RNF212B: variants seen among roughly 807,000 people sequenced by gnomAD.
The protein encoded by RNF212B is ring finger protein 212B.
In RNF212B, 52 loss-of-function variants were observed where a neutral mutation model predicts 55.5. The ratio of observed to expected loss-of-function variants is 0.94; its 90% CI spans 0.75 to 1.18. RNF212B has a LOEUF of 1.18. RNF212B is among the 50% of genes most tolerant of loss of function. The pLI is 0.00. For synonymous variants in RNF212B, 99 were observed against 121.4 expected (o/e 0.82, Z 1.21); for missense variants, 289 against 350.4 (o/e 0.82, Z 1.40).
At chr14:23,225,946 T>C (rs934227398) in intron 2 of RNF212B, among the ~76,000 whole-genome samples, 8 of 152,176 alleles carry the variant, frequency 5.3e-5, no homozygotes, top group Non-Finnish European at 1.0e-4. Flanking sequence ...AAATATCTCA[T>C]GTACCCTGTA....
At chr14:23,209,590 T>G (rs8011991) in intron 2 of RNF212B, among the ~76,000 whole-genome samples, 5,539 of 152,264 alleles carry the variant, frequency 0.036, 334 homozygotes, top group African/African-American at 0.13. Context: ...CTTTACAGAA[T>G]ACTTTGACTT....
chr14:23,220,558 G>C (rs1258416194), intron 2 of RNF212B, among the ~76,000 whole-genome samples: 1 of 149,556 alleles, frequency 6.7e-6, no homozygotes, highest in Admixed American at 6.7e-5. Context: ...GGGCTCGGTG[G>C]CTCACGCCTG....
chr14:23,264,279 C>G (rs1885520262), intron 10 of RNF212B, 45 bp downstream of exon 10: 1 of 1,418,962 alleles, frequency 7.0e-7, no homozygotes, highest in Non-Finnish European at 9.7e-7. Flanking sequence ...GTTTCTAATG[C>G]TAAATGAAAG....
chr14:23,233,736 T>A (rs1882898183), upstream of RNF212B, among the ~76,000 whole-genome samples: 1 of 121,232 alleles, frequency 8.2e-6, no homozygotes, highest in East Asian at 2.3e-4. Flanking sequence ...AGTGAGACCC[T>A]GTCTCAAAAA....
At chr14:23,250,076 T>C (rs543851859) in intron 4 of RNF212B, among the ~76,000 whole-genome samples, 47 of 152,198 alleles carry the variant, frequency 3.1e-4, no homozygotes, top group Non-Finnish European at 5.4e-4. Context: ...AGTTATTACG[T>C]AAGGTTATTT....
At chr14:23,243,350 C>T in intron 3 of RNF212B, 42 bp downstream of exon 3, 1 of 1,472,056 alleles carries the variant, frequency 6.8e-7, no homozygotes, top group Non-Finnish European at 9.3e-7. Flanking sequence ...TCATCCCATT[C>T]CTGGCCTGTA....
At chr14:23,254,059 G>A (rs1884605763) in intron 4 of RNF212B, among the ~76,000 whole-genome samples, 1 of 151,982 alleles carries the variant, frequency 6.6e-6, no homozygotes, top group Admixed American at 6.6e-5. Context: ...TGGGAGAACG[G>A]CTAGATCCCA....
chr14:23,200,511 A>C (rs1879189220), intron 2 of RNF212B, among the ~76,000 whole-genome samples: 1 of 152,096 alleles, frequency 6.6e-6, no homozygotes, highest in African/African-American at 2.4e-5. Context: ...ATTTCAGCAG[A>C]GATGGGGTTT....
chr14:23,220,388 T>C (rs1881458402), intron 2 of RNF212B, among the ~76,000 whole-genome samples: 1 of 151,812 alleles, frequency 6.6e-6, no homozygotes, highest in Non-Finnish European at 1.5e-5. Flanking sequence ...AAAAGTTAGC[T>C]GGGTCTGGTG....
At chr14:23,220,922 G>A (rs540532218) in intron 2 of RNF212B, among the ~76,000 whole-genome samples, 7 of 151,666 alleles carry the variant, frequency 4.6e-5, no homozygotes, top group Non-Finnish European at 1.0e-4. Context: ...AAGGAAGAGA[G>A]GAAGGAAGGA....
chr14:23,249,218 A>T (rs1300029951), intron 4 of RNF212B, among the ~76,000 whole-genome samples: 1 of 152,236 alleles, frequency 6.6e-6, no homozygotes, highest in Non-Finnish European at 1.5e-5. Context: ...TCATCAATAG[A>T]CCAGAGCTTC....
At chr14:23,219,343 G>T (rs1881359022) in intron 2 of RNF212B, among the ~76,000 whole-genome samples, 1 of 152,146 alleles carries the variant, frequency 6.6e-6, no homozygotes, top group Non-Finnish European at 1.5e-5. Flanking sequence ...AAGACTAAAT[G>T]ATGAACTAAT....
intron 11 of RNF212B, among the ~76,000 whole-genome samples, chr14:23,267,667 G>T (rs1040567533): frequency 4.3e-4 from 66 of 152,266 alleles, no homozygotes; most frequent in African/African-American, 1.6e-3. Flanking sequence ...GGCCTCAAGT[G>T]ATCTGCCTGC....
intron 11 of RNF212B, among the ~76,000 whole-genome samples, chr14:23,266,504 C>T (rs1270812459): frequency 1.3e-5 from 2 of 149,914 alleles, no homozygotes; most frequent in Middle Eastern, 3.4e-3. Context: ...CTCCGCCTCC[C>T]AGGTTCAAGC....
chr14:23,247,679 G>A (rs1305445323), intron 4 of RNF212B, among the ~76,000 whole-genome samples: 1 of 152,086 alleles, frequency 6.6e-6, no homozygotes, highest in Non-Finnish European at 1.5e-5. Flanking sequence ...TTAGTCAATA[G>A]ACATTTGGGT....
At chr14:23,232,611 G>A (rs1311177966) in intron 2 of RNF212B, among the ~76,000 whole-genome samples, 29 of 147,472 alleles carry the variant, frequency 2.0e-4, no homozygotes, top group Non-Finnish European at 3.6e-4. Flanking sequence ...GTCAGCCCCC[G>A]CCCGGCCAGC....
At chr14:23,205,497 C>T (rs954545187) in intron 2 of RNF212B, among the ~76,000 whole-genome samples, 6 of 152,042 alleles carry the variant, frequency 3.9e-5, no homozygotes, top group South Asian at 4.1e-4. Context: ...AGATTATTTA[C>T]GAAAACTGTG....
chr14:23,259,844 C>A (rs918082777), intron 5 of RNF212B, 40 bp from the exon 6 acceptor site: 2 of 1,217,404 alleles, frequency 1.6e-6, no homozygotes, highest in East Asian at 2.7e-5. Flanking sequence ...GTTTTTAATC[C>A]CTGATTTGCT....
At chr14:23,270,534 C>G in intron 13 of RNF212B, 66 bp from the exon 14 acceptor site, 1 of 1,141,402 alleles carries the variant, frequency 8.8e-7, no homozygotes, top group Non-Finnish European at 1.3e-6. Context: ...TACCCTGACC[C>G]ACAAGTAACA....
Sources: allele counts gnomAD v4.1 joint callset (sites outside exome capture counted in the v4.1 genomes callset), GRCh38; gene constraint gnomAD v4.1.1; transcripts MANE v1.5; gene names NCBI Gene and HGNC (gene_info 2026-07-23, HGNC 2026-07-21).